The following BPTF variants were observed in gnomAD, a reference collection of about 807,000 sequenced individuals.
BPTF encodes the protein nucleosome-remodeling factor subunit BPTF.
In BPTF, 18 loss-of-function variants were observed where a neutral mutation model predicts 292.5. The observed-to-expected ratio is 0.06, with a 90% CI of 0.04 to 0.09. BPTF has a LOEUF of 0.09. Ranked by LOEUF, BPTF falls within the 10% of genes least tolerant of loss-of-function variation. BPTF has a pLI of 1.00. For synonymous variants in BPTF, 1,225 were observed against 1,251.9 expected (o/e 0.98, Z 0.45); for missense variants, 2,726 against 3,498.7 (o/e 0.78, Z 5.57).
chr17:67,919,473 C>G (rs984473214), intron 12 of BPTF, among the ~76,000 whole-genome samples: 2 of 152,012 alleles, frequency 1.3e-5, no homozygotes, highest in Non-Finnish European at 2.9e-5. Flanking sequence ...GCCAGGAGTT[C>G]AAGGTTGCAG....
At chr17:67,882,326 T>C (rs1450773032) in intron 4 of BPTF, among the ~76,000 whole-genome samples, 1 of 152,112 alleles carries the variant, frequency 6.6e-6, no homozygotes, top group Non-Finnish European at 1.5e-5. Flanking sequence ...GCTTTTTTGG[T>C]GGGTAGTGTT....
At chr17:67,889,635 C>T (rs1258409349) in intron 4 of BPTF, among the ~76,000 whole-genome samples, 1 of 152,048 alleles carries the variant, frequency 6.6e-6, no homozygotes, top group Non-Finnish European at 1.5e-5. Flanking sequence ...TGGTGAAACC[C>T]CGTCTCTACT....
chr17:67,932,414 G>T (rs1280412635), intron 18 of BPTF, among the ~76,000 whole-genome samples: 1 of 152,176 alleles, frequency 6.6e-6, no homozygotes, highest in East Asian at 1.9e-4. Flanking sequence ...AAAAGTTGAA[G>T]ACTGGCCAGG....
intron 24 of BPTF, among the ~76,000 whole-genome samples, chr17:67,961,371 G>A (rs1271381754): frequency 6.6e-6 from 1 of 152,178 alleles, no homozygotes; most frequent in Non-Finnish European, 1.5e-5. Flanking sequence ...TCTAAGGAGT[G>A]TTTCGTAATC....
chr17:67,832,782 TC>T (rs1408346690), intron 1 of BPTF, among the ~76,000 whole-genome samples: 2 of 129,240 alleles, frequency 1.5e-5, no homozygotes, highest in East Asian at 5.7e-4. Context: ...TTGATTCGCC[TC>T]TTTTTTTTTT....
intron 1 of BPTF, among the ~76,000 whole-genome samples, chr17:67,844,070 CTTTTTTTTTTT>C (rs35407119): frequency 0.096 from 9,079 of 94,434 alleles, 1,163 homozygotes; most frequent in African/African-American, 0.29. Flanking sequence ...CGGCCCCCGC[CTTTTTTTTTTT>C]TTTTTTTTTT....
Position 67,825,977 on chromosome 17 carries a change from C to A in BPTF, c.253C>A (p.Pro85Thr), listed in dbSNP as rs1222426057. The A allele has an allele frequency of 1.4e-5, 15 of 1,065,084 alleles. No individual in the cohort carries two copies. In the East Asian group the frequency reaches 2.6e-4, roughly 18 times the overall value. 66.0% of individuals were successfully genotyped at this position (1,065,084 alleles called of 1,614,324 possible). Reference sequence around the variant, plus strand: ...GCCGCCGCCGCCGCCGCCGGCCCCCCCCAGCACCAGCGCCCCGGGCCGGGG... The same window carrying A: ...GCCGCCGCCGCCGCCGCCGGCCCCCACCAGCACCAGCGCCCCGGGCCGGGG... ...RKPPPPPPAP[P>T]STSAPGRGGR... is the part of the protein sequence containing the mutation. The change falls in exon 1 of 28, where the codon CCC (proline) becomes ACC (threonine). Residue 85 changes from proline to threonine, a missense_variant. By Grantham distance (38) the Pro-to-Thr change is conservative. Coordinates refer to ENST00000306378, the MANE Select transcript of BPTF (RefSeq NM_182641.4).
intron 2 of BPTF, among the ~76,000 whole-genome samples, chr17:67,859,184 C>T (rs1159098944): frequency 1.3e-5 from 2 of 152,142 alleles, no homozygotes; most frequent in South Asian, 2.1e-4. Flanking sequence ...GTCTCACTGT[C>T]GCCCAGGCTA....
chr17:67,875,083 T>G (rs2059973877), intron 4 of BPTF, 63 bp downstream of exon 4: 1 of 1,430,902 alleles, frequency 7.0e-7, no homozygotes, highest in East Asian at 2.3e-5. Flanking sequence ...ATCTCCAGTT[T>G]TACTTGCAAA....
intron 18 of BPTF, among the ~76,000 whole-genome samples, chr17:67,934,645 G>A (rs559916636): frequency 1.8e-4 from 27 of 151,842 alleles, no homozygotes; most frequent in Non-Finnish European, 3.7e-4. Flanking sequence ...GGAGGCCGGC[G>A]GGTGGATCAC....
chr17:67,894,430 G>A (rs891070582), intron 7 of BPTF, among the ~76,000 whole-genome samples: 3 of 151,672 alleles, frequency 2.0e-5, no homozygotes, highest in African/African-American at 7.3e-5. Flanking sequence ...CCATATTCAA[G>A]CGATTCTCTT....
chr17:67,875,639 A>G lies in BPTF; in HGVS notation c.1864+619A>G, dbSNP rs1049437765. ...AACAAATGCAACTTCAGAAGAGACT[A>G]GTCCCTCTGAAGGGAGGAGCCCTGT... is the stretch of plus-strand genomic sequence containing the variant. On this transcript the variant is annotated intron_variant, in intron 4 of 27. Transcript: ENST00000306378. 3 of 1,608,076 alleles carry G rather than the reference A, an allele frequency of 1.9e-6. No homozygotes were observed. In the African/African-American group the frequency reaches 4.0e-5, roughly 22 times the overall value.
intron 1 of BPTF, among the ~76,000 whole-genome samples, chr17:67,842,298 A>G (rs2144446873): frequency 6.6e-6 from 1 of 152,222 alleles, no homozygotes; most frequent in East Asian, 1.9e-4. Flanking sequence ...TGGCCACTAC[A>G]TCCTTCTTAA....
At chr17:67,902,727 G>GT (rs1169847444) in intron 7 of BPTF, among the ~76,000 whole-genome samples, 1 of 152,114 alleles carries the variant, frequency 6.6e-6, no homozygotes, top group Non-Finnish European at 1.5e-5. Flanking sequence ...TTGATGGGGA[G>GT]TTTTTTGTGG....
chr17:67,953,735 C>G (rs1480958721), intron 23 of BPTF, among the ~76,000 whole-genome samples: 1 of 151,438 alleles, frequency 6.6e-6, no homozygotes, highest in East Asian at 2.0e-4. Flanking sequence ...ACCACCATGC[C>G]CAGCTAATTT....
intron 1 of BPTF, among the ~76,000 whole-genome samples, chr17:67,836,972 T>C (rs2057180721): frequency 1.3e-5 from 2 of 152,212 alleles, no homozygotes; most frequent in Admixed American, 1.3e-4. Context: ...GATTACCTTC[T>C]TCCAGGTATA....
chr17:67,863,486 A>G (rs927188308), intron 2 of BPTF, among the ~76,000 whole-genome samples: 1 of 152,122 alleles, frequency 6.6e-6, no homozygotes, highest in East Asian at 1.9e-4. Context: ...GGGTTTCACC[A>G]TGTTGGCCAG....
intron 21 of BPTF, 147 bp downstream of exon 21, chr17:67,946,472 A>G (rs2065820312): frequency 8.2e-7 from 1 of 1,225,972 alleles, no homozygotes; most frequent in South Asian, 1.6e-5. Context: ...TGACCAAAAA[A>G]AATACTGAAT....
intron 9 of BPTF, among the ~76,000 whole-genome samples, chr17:67,905,084 G>A (rs1442489997): frequency 6.6e-6 from 1 of 152,068 alleles, no homozygotes; most frequent in Non-Finnish European, 1.5e-5. Context: ...AGACGCCTCA[G>A]CCGCCTGATT....
Sources: gnomAD v4.1 joint callset for allele counts (sites outside exome capture counted in the v4.1 genomes callset) on GRCh38, gnomAD v4.1.1 for gene constraint, MANE v1.5 for transcripts, NCBI Gene and HGNC (gene_info 2026-07-23, HGNC 2026-07-21) for gene names.